NRXN3: variants seen among roughly 807,000 people sequenced by gnomAD.
The protein encoded by NRXN3 is neurexin III.
In NRXN3, 32 loss-of-function variants were observed where a neutral mutation model predicts 137.6. The observed-to-expected ratio is 0.23, with a 90% confidence interval of 0.18 to 0.31. The LOEUF (loss-of-function observed/expected upper bound fraction) is 0.31. Ranked by LOEUF, NRXN3 falls within the 10% of genes least tolerant of loss-of-function variation. The probability of loss-of-function intolerance (pLI) is 1.00; values close to 1 mark genes in which losing one functional copy is unlikely to be tolerated. For missense variants in NRXN3, 1,574 were observed against 2,062.5 expected, an observed-to-expected ratio of 0.76 and a Z score of 4.59; for synonymous variants, 798 against 784.5, an observed-to-expected ratio of 1.02 and a Z score of -0.29.
chr14:79,316,059 C>T (rs1399501449), intron 15 of NRXN3, among the ~76,000 whole-genome samples: 2 of 152,166 alleles, frequency 1.3e-5, no homozygotes, highest in African/African-American at 4.8e-5. Flanking sequence ...CTTACTTAAC[C>T]TTACTTCAGT....
At chr14:79,574,632 C>T (rs59472910) in intron 16 of NRXN3, among the ~76,000 whole-genome samples, 2,907 of 152,122 alleles carry the variant, frequency 0.019, 103 homozygotes, top group African/African-American at 0.067. Context: ...TATCCTCAGA[C>T]GTGGTGGCTG....
At chr14:78,407,466 G>A (rs2092559491) in intron 4 of NRXN3, among the ~76,000 whole-genome samples, 1 of 152,140 alleles carries the variant, frequency 6.6e-6, no homozygotes, top group African/African-American at 2.4e-5. Context: ...GTTATGCTTT[G>A]GAAGGCCATT....
rs576687084 is a variant in NRXN3 at position 78,485,021 on chromosome 14, C to T, written c.758-160099C>T. Among the ~76,000 whole-genome samples, 24 of 152,276 alleles carry T rather than the reference C, an allele frequency of 1.6e-4. 1 individual carries two copies. The East Asian group carries it at 4.6e-3, about 29-fold the overall frequency. On this transcript the variant is annotated intron_variant, in intron 4 of 20. Transcript: ENST00000335750. ...TCACCCTTATAATGCATTAACTCTT[C>T]CCTTGCCTCATCCTTGGTCCTGTCT... is the stretch of plus-strand genomic sequence containing the variant.
chr14:78,697,745 C>T lies in NRXN3; in HGVS notation c.1222-11472C>T, dbSNP rs566845802. The T allele has an allele frequency of 3.9e-5, 6 of 152,054 alleles. No individual in the cohort carries two copies. In the South Asian group the frequency reaches 6.2e-4, roughly 16 times the overall value. 9.4% of individuals were successfully genotyped at this position (152,054 alleles called of 1,614,324 possible). ...TTTTGGAAAAAAATTAATTCGAGTA[C>T]CAGCATTTCTGTCTATATTATTGTC... On this transcript the variant is annotated intron_variant, in intron 6 of 20. Transcript: ENST00000335750.
At chr14:79,587,494 TAA>T (rs2097772295) in intron 16 of NRXN3, among the ~76,000 whole-genome samples, 1 of 152,196 alleles carries the variant, frequency 6.6e-6, no homozygotes, top group South Asian at 2.1e-4. Context: ...AGCAATGTGT[TAA>T]AGTTAGATGG....
At position 79,697,781 on chromosome 14, in the gene NRXN3, C is replaced by G. The variant is rs372453004; in HGVS notation, c.3858C>G (p.Ile1286Met). 1 of 1,613,136 alleles carries G rather than the reference C, an allele frequency of 6.2e-7. No homozygotes were observed. Among genetic ancestry groups the G allele is most frequent in the Non-Finnish European group, 8.5e-7 (1 of 1,179,458 alleles). The stretch of plus-strand genomic sequence containing the variant: ...CTGAGAACAACCCCAATATTAAAAT[C>G]AATGGAAGTGTTCGGCTGGTTGGAG... The part of the protein sequence containing the change: ...MAAENNPNIK[I>M]NGSVRLVGEV... The change falls in exon 19 of 21, where the codon ATC (isoleucine) becomes ATG (methionine). Residue 1286 changes from isoleucine (I) to methionine (M), a missense_variant. This residue lies in a region of NRXN3 where 320 missense variants were observed against 387.1 expected (regional missense o/e 0.83). Transcript: ENST00000335750.
At chr14:79,804,821 G>T (rs745688461) in intron 19 of NRXN3, among the ~76,000 whole-genome samples, 1 of 152,018 alleles carries the variant, frequency 6.6e-6, no homozygotes, top group Non-Finnish European at 1.5e-5. Context: ...ATGAAGTAAG[G>T]CTACAAAATG....
At chr14:78,325,005 G>A (rs1021946062) in intron 4 of NRXN3, among the ~76,000 whole-genome samples, 2 of 152,006 alleles carry the variant, frequency 1.3e-5, no homozygotes, top group African/African-American at 4.8e-5. Flanking sequence ...GTGGAAGGAA[G>A]CATAGTATAA....
intron 20 of NRXN3, chr14:79,853,951 A>G (rs2099397095): frequency 2.0e-6 from 2 of 988,618 alleles, no homozygotes; most frequent in Admixed American, 6.1e-5. Context: ...AACCCCCCAA[A>G]GTAAAAATTT....
intron 19 of NRXN3, among the ~76,000 whole-genome samples, chr14:79,723,157 G>A (rs1162104349): frequency 6.6e-6 from 1 of 152,066 alleles, no homozygotes; most frequent in Non-Finnish European, 1.5e-5. Flanking sequence ...TAGCTTGGAG[G>A]AAATACTTGG....
At chr14:79,495,791 T>G (rs2096760303) in intron 16 of NRXN3, among the ~76,000 whole-genome samples, 1 of 151,946 alleles carries the variant, frequency 6.6e-6, no homozygotes, top group Non-Finnish European at 1.5e-5. Flanking sequence ...ATAAATAATT[T>G]ATATATTTTA....
chr14:79,800,472 GGCATACTAACT>G (rs1480978707), intron 19 of NRXN3, among the ~76,000 whole-genome samples: 1 of 152,160 alleles, frequency 6.6e-6, no homozygotes, highest in Admixed American at 6.5e-5. Flanking sequence ...TTTCTTTGCA[GGCATACTAACT>G]GCTCTTTCTT....
At chr14:79,706,130 A>T (rs1416597539) in intron 19 of NRXN3, among the ~76,000 whole-genome samples, 2 of 152,088 alleles carry the variant, frequency 1.3e-5, no homozygotes, top group African/African-American at 4.8e-5. Flanking sequence ...CTGCTCTTGG[A>T]TCTTTGCTCT....
intron 8 of NRXN3, among the ~76,000 whole-genome samples, chr14:78,769,925 C>T (rs2098721221): frequency 6.7e-6 from 1 of 150,158 alleles, no homozygotes; most frequent in African/African-American, 2.5e-5. Context: ...GGTGTGGAAA[C>T]ACAGGTTTTT....
intron 15 of NRXN3, among the ~76,000 whole-genome samples, chr14:79,023,523 A>G (rs2099593217): frequency 6.6e-6 from 1 of 152,116 alleles, no homozygotes; most frequent in Non-Finnish European, 1.5e-5. Flanking sequence ...AGGGAGGTGT[A>G]TTAGTCCATT....
intron 20 of NRXN3, among the ~76,000 whole-genome samples, chr14:79,851,840 C>T (rs951337061): frequency 1.9e-4 from 29 of 152,176 alleles, no homozygotes; most frequent in Non-Finnish European, 2.8e-4. Flanking sequence ...TTTTCCCCAA[C>T]GTACTTCAGA....
At chr14:78,803,560 G>A (rs1254746196) in intron 8 of NRXN3, 60 bp from the exon 9 acceptor site, 2 of 1,498,944 alleles carry the variant, frequency 1.3e-6, no homozygotes, top group Non-Finnish European at 9.3e-7. Flanking sequence ...GAAAGCAAAG[G>A]GGTATTTGGC....
At chr14:78,359,348 G>A (rs936655046) in intron 4 of NRXN3, among the ~76,000 whole-genome samples, 4 of 152,174 alleles carry the variant, frequency 2.6e-5, no homozygotes, top group African/African-American at 7.2e-5. Context: ...TGATTCTAAT[G>A]TACAGCCAGG....
chr14:78,192,136 G>A (rs770205652), intron 1 of NRXN3, among the ~76,000 whole-genome samples: 6 of 152,094 alleles, frequency 3.9e-5, no homozygotes, highest in Non-Finnish European at 2.9e-5. Context: ...GTGTGCAAGT[G>A]TGTAAGTGCA....
Sources: gnomAD v4.1 joint callset for allele counts (sites outside exome capture counted in the v4.1 genomes callset) on GRCh38, gnomAD v4.1.1 for gene constraint, gnomAD v4.1.1 regional missense constraint, MANE v1.5 for transcripts, NCBI Gene and HGNC (gene_info 2026-07-23, HGNC 2026-07-21) for gene names.